Variants in OTOGL observed in about 807,000 individuals in gnomAD.
The protein encoded by OTOGL is otogelin like.
Under a neutral mutation model 318.5 loss-of-function variants are expected in OTOGL, and 285 were observed. That is an observed-to-expected ratio of 0.89 (90% CI 0.81 to 0.99). The LOEUF (loss-of-function observed/expected upper bound fraction) is 0.99. OTOGL is among the 50% of genes least tolerant of loss of function. The probability of loss-of-function intolerance (pLI) is 0.00; values close to 1 mark genes in which losing one functional copy is unlikely to be tolerated. For missense variants in OTOGL, 2,899 were observed against 2,845.6 expected, an observed-to-expected ratio of 1.02 and a Z score of -0.43; for synonymous variants, 987 against 936.5, an observed-to-expected ratio of 1.05 and a Z score of -0.99.
At chr12:80,125,227 A>T (rs1216147459) in intron 1 of OTOGL, among the ~76,000 whole-genome samples, 1 of 152,160 alleles carries the variant, frequency 6.6e-6, no homozygotes, top group African/African-American at 2.4e-5. Context: ...TACCTAATTT[A>T]TTGAGAGTTT....
chr12:80,197,091 T>G (rs1876124437), intron 1 of OTOGL, among the ~76,000 whole-genome samples: 1 of 152,222 alleles, frequency 6.6e-6, no homozygotes, highest in Admixed American at 6.5e-5. Context: ...TGGGCATTCC[T>G]TTCTATTGAT....
chr12:80,374,147 CA>C (rs919644944), intron 57 of OTOGL, among the ~76,000 whole-genome samples: 2 of 152,136 alleles, frequency 1.3e-5, no homozygotes, highest in Non-Finnish European at 1.5e-5. Context: ...CAGCAGGGCT[CA>C]TTCCTTGGAG....
At chr12:80,359,443 C>T (rs1890112202) in intron 52 of OTOGL, among the ~76,000 whole-genome samples, 2 of 152,158 alleles carry the variant, frequency 1.3e-5, no homozygotes, top group African/African-American at 4.8e-5. Flanking sequence ...TAACTATCTT[C>T]ATGATATGCC....
intron 1 of OTOGL, among the ~76,000 whole-genome samples, chr12:80,154,112 C>G (rs1383222419): frequency 1.3e-5 from 2 of 152,130 alleles, no homozygotes; most frequent in African/African-American, 4.8e-5. Flanking sequence ...AGTTCAAGAC[C>G]AGCCTGGCCA....
intron 28 of OTOGL, among the ~76,000 whole-genome samples, chr12:80,305,072 G>T (rs999033942): frequency 2.6e-5 from 4 of 152,076 alleles, no homozygotes; most frequent in African/African-American, 2.4e-5. Flanking sequence ...AAAACAAATG[G>T]TTAACTTGTT....
intron 1 of OTOGL, among the ~76,000 whole-genome samples, chr12:80,148,806 A>G (rs1872575577): frequency 1.3e-5 from 2 of 152,016 alleles, no homozygotes; most frequent in Non-Finnish European, 2.9e-5. Context: ...CATTCATTTC[A>G]TCTTCTGTTG....
At chr12:80,289,620 T>A (rs1000820153) in intron 26 of OTOGL, among the ~76,000 whole-genome samples, 1 of 152,176 alleles carries the variant, frequency 6.6e-6, no homozygotes, top group Non-Finnish European at 1.5e-5. Context: ...AGAGAGGTAG[T>A]CTGGCCACAG....
rs549216793 is a variant in OTOGL at position 80,249,455 on chromosome 12, G to A, written c.1053-2238G>A. On this transcript the variant is annotated intron_variant, in intron 11 of 58. Coordinates refer to ENST00000547103, the MANE Select transcript of OTOGL (RefSeq NM_001378609.3). ...GGTGTCAGTGTGCCCCTGCTGGGGGGTGCCTCCCAGTTAGGCTGCTCGGGG... is the reference window on the plus strand; with the variant it reads ...GGTGTCAGTGTGCCCCTGCTGGGGGATGCCTCCCAGTTAGGCTGCTCGGGG... Among the ~76,000 whole-genome samples the A allele has an allele frequency of 2.8e-4, 43 of 151,524 alleles. No individual in the cohort carries two copies. In the South Asian group the frequency reaches 3.7e-3, roughly 13 times the overall value.
chr12:80,191,344 A>T (rs1019512574), intron 1 of OTOGL, among the ~76,000 whole-genome samples: 14 of 152,216 alleles, frequency 9.2e-5, no homozygotes, highest in Non-Finnish European at 1.5e-4. Flanking sequence ...AGGCTGAGAC[A>T]GGAGAATCGC....
At chr12:80,214,445 G>A (rs1877527645) in intron 4 of OTOGL, among the ~76,000 whole-genome samples, 1 of 152,170 alleles carries the variant, frequency 6.6e-6, no homozygotes, top group Admixed American at 6.5e-5. Context: ...ACTTTCTATA[G>A]TCTTTTCTGC....
intron 1 of OTOGL, among the ~76,000 whole-genome samples, chr12:80,172,318 T>C (rs1874256604): frequency 1.3e-5 from 2 of 152,238 alleles, no homozygotes; most frequent in East Asian, 1.9e-4. Flanking sequence ...GAGTATGTTA[T>C]ACTTCTCTTA....
At position 80,310,662 on chromosome 12, in the gene OTOGL, T is replaced by C; in HGVS notation, c.3385T>C (p.Phe1129Leu). Residue 1129 changes from phenylalanine to leucine, a missense_variant, in exon 30 of 59, where the codon TTT becomes CTT. Phe to Leu is a conservative substitution (Grantham distance 22). Around this residue, in one of 3 missense-constraint regions of OTOGL, gnomAD observed 2,607 missense variants for 2,524.9 expected, o/e 1.03. Transcript: ENST00000547103. ...IKPCEAHQNK[F>L]PYAKKECSIL... The stretch of plus-strand genomic sequence containing the variant: ...ACCCTGTGAGGCACATCAAAACAAA[T>C]TTCCTTATGCCAAGAAAGAATGCTC... 1 of 1,597,490 alleles carries C rather than the reference T, an allele frequency of 6.3e-7. No individual in the cohort carries two copies. Among genetic ancestry groups the C allele is most frequent in the Non-Finnish European group, 8.5e-7 (1 of 1,177,980 alleles).
intron 1 of OTOGL, among the ~76,000 whole-genome samples, chr12:80,149,412 G>A (rs994309147): frequency 2.6e-5 from 4 of 152,200 alleles, no homozygotes; most frequent in Non-Finnish European, 4.4e-5. Context: ...ACTTGAGGAG[G>A]CAGTCTGCCC....
At chr12:80,347,221 C>T (rs961632455) in intron 44 of OTOGL, among the ~76,000 whole-genome samples, 9 of 151,960 alleles carry the variant, frequency 5.9e-5, no homozygotes, top group Admixed American at 1.3e-4. Context: ...ACAAGCGCCA[C>T]GGTGGTTTGC....
chr12:80,167,355 AG>A (rs960481693), intron 1 of OTOGL, among the ~76,000 whole-genome samples: 2 of 152,146 alleles, frequency 1.3e-5, no homozygotes, highest in Non-Finnish European at 2.9e-5. Context: ...TTTTTAAAAG[AG>A]TAATTGGAAG....
At chr12:80,365,682 A>C (rs776674881) in intron 52 of OTOGL, among the ~76,000 whole-genome samples, 3 of 152,164 alleles carry the variant, frequency 2.0e-5, no homozygotes, top group Non-Finnish European at 4.4e-5. Context: ...AAGTCCTGAA[A>C]TATCAAATGA....
At chr12:80,355,695 G>T in intron 46 of OTOGL, 41 bp from the exon 47 acceptor site, 1 of 1,514,650 alleles carries the variant, frequency 6.6e-7, no homozygotes, top group South Asian at 1.2e-5. Context: ...TTATTTTAGT[G>T]CCCAGGTTTT....
intron 56 of OTOGL, 153 bp downstream of exon 56, chr12:80,370,842 C>T: frequency 1.7e-6 from 1 of 582,310 alleles, no homozygotes. Flanking sequence ...CTATTTTTCC[C>T]ATTTGAAATT....
intron 44 of OTOGL, among the ~76,000 whole-genome samples, chr12:80,344,711 A>G (rs1023590463): frequency 2.6e-5 from 4 of 152,046 alleles, no homozygotes; most frequent in Admixed American, 2.0e-4. Context: ...ATTTTTATAA[A>G]TAACAAGTAA....
Sources: gnomAD v4.1 joint callset for allele counts (sites outside exome capture counted in the v4.1 genomes callset) on GRCh38, gnomAD v4.1.1 for gene constraint, gnomAD v4.1.1 regional missense constraint, MANE v1.5 for transcripts, NCBI Gene and HGNC (gene_info 2026-07-23, HGNC 2026-07-21) for gene names.